EFL1: variants seen among roughly 807,000 people sequenced by gnomAD.
EFL1 encodes the protein elongation factor-like GTPase 1.
Under a neutral mutation model 126.7 loss-of-function variants are expected in EFL1, and 76 were observed. The observed-to-expected ratio is 0.60, with a 90% CI of 0.50 to 0.73. The LOEUF (loss-of-function observed/expected upper bound fraction) is 0.73, where lower values mean the gene tolerates loss of function less well. Among genes scored for constraint, EFL1 ranks in the 30% least tolerant of loss-of-function variants. The pLI, the probability that EFL1 is intolerant of heterozygous loss-of-function variation, is 0.00. For synonymous variants in EFL1, 410 were observed against 448.4 expected (o/e 0.91, Z 1.08); for missense variants, 1,128 against 1,343.2 (o/e 0.84, Z 2.50).
At chr15:82,134,034 T>C (rs1256805042) in intron 19 of EFL1, among the ~76,000 whole-genome samples, 4 of 152,202 alleles carry the variant, frequency 2.6e-5, no homozygotes. Flanking sequence ...CTTGCTTAGC[T>C]GTGCGATCTT....
chr15:82,205,857 G>A (rs2047678), intron 15 of EFL1, among the ~76,000 whole-genome samples: 106,043 of 152,150 alleles, frequency 0.7, 38,543 homozygotes, highest in African/African-American at 0.9. Context: ...TAATCTATGT[G>A]TTCAAAAGAA....
chr15:82,167,640 G>A (rs1280268818), intron 15 of EFL1, among the ~76,000 whole-genome samples: 2 of 152,048 alleles, frequency 1.3e-5, no homozygotes, highest in Admixed American at 6.6e-5. Context: ...TCTAGGATGA[G>A]GTTACACTGG....
intron 15 of EFL1, among the ~76,000 whole-genome samples, chr15:82,201,032 C>T (rs1202260049): frequency 1.3e-5 from 2 of 152,278 alleles, no homozygotes; most frequent in East Asian, 3.9e-4. Context: ...GCCACCATGC[C>T]TGTTTTTTTA....
At chr15:82,251,297 C>T (rs145478269) in intron 4 of EFL1, among the ~76,000 whole-genome samples, 2 of 152,298 alleles carry the variant, frequency 1.3e-5, no homozygotes, top group Admixed American at 1.3e-4. Context: ...AAATAGAGTT[C>T]AGACCATTCA....
intron 19 of EFL1, among the ~76,000 whole-genome samples, chr15:82,133,753 T>C (rs1344383052): frequency 1.3e-5 from 2 of 152,234 alleles, no homozygotes; most frequent in Non-Finnish European, 2.9e-5. Context: ...ACACAAACTG[T>C]TTTCAGAATT....
rs1157323019 is a variant in EFL1, at chr15:82,230,862, T to G, written c.841A>C (p.Met281Leu). ...TACCACATTACCTGATCACCCTTCA[T>G]GATCTTTTTAGCCTTCATATTTATA... ...YYINMKAKKI[M>L]KGDQAKGKKP... is the part of the protein sequence containing the mutation. The change falls in exon 8 of 20, where the codon ATG (methionine) becomes CTG (leucine). Residue 281 changes from methionine (M) to leucine (L), a missense_variant. Coordinates refer to ENST00000268206, the MANE Select transcript of EFL1 (RefSeq NM_024580.6). 5.1e-5 allele frequency: 82 copies of G among 1,611,688 alleles called. No homozygotes were observed. Among genetic ancestry groups the G allele is most frequent in the Non-Finnish European group, 6.9e-5 (81 of 1,179,052 alleles).
intron 15 of EFL1, among the ~76,000 whole-genome samples, chr15:82,167,446 T>G (rs183072377): frequency 6.6e-6 from 1 of 151,934 alleles, no homozygotes; most frequent in African/African-American, 2.4e-5. Flanking sequence ...TTGAGCCAAA[T>G]TTTTTTTTCT....
intron 15 of EFL1, among the ~76,000 whole-genome samples, chr15:82,186,052 T>C (rs1333694654): frequency 6.6e-6 from 1 of 152,184 alleles, no homozygotes; most frequent in Non-Finnish European, 1.5e-5. Context: ...TTTTTGCTTT[T>C]TTCTTTACTA....
At chr15:82,159,225 C>T (rs1020789906) in intron 16 of EFL1, among the ~76,000 whole-genome samples, 3 of 151,876 alleles carry the variant, frequency 2.0e-5, no homozygotes, top group African/African-American at 7.3e-5. Flanking sequence ...GAATTTTAAA[C>T]CTGGCTTAAA....
At position 82,227,149 on chromosome 15, in the gene EFL1, A is replaced by G. The variant is rs552674423; in HGVS notation, c.1192+301T>C. Among the ~76,000 whole-genome samples the G allele has an allele frequency of 1.1e-4, 17 of 152,332 alleles. No individual in the cohort carries two copies. The East Asian group carries it at 2.3e-3, about 21-fold the overall frequency. ...ATTAGAGATAAGAAAATACGTGGAGACAAATTTCATGGAACCTACAAAGCC... is the reference window on the plus strand; with the variant it reads ...ATTAGAGATAAGAAAATACGTGGAGGCAAATTTCATGGAACCTACAAAGCC... On this transcript the variant is annotated intron_variant, in intron 11 of 19. Coordinates refer to ENST00000268206, the MANE Select transcript of EFL1 (RefSeq NM_024580.6).
At chr15:82,196,153 T>C (rs1368953710) in intron 15 of EFL1, among the ~76,000 whole-genome samples, 3 of 152,176 alleles carry the variant, frequency 2.0e-5, no homozygotes, top group Non-Finnish European at 4.4e-5. Flanking sequence ...GTGAAGGGTC[T>C]CTTTCCAAAC....
rs1402706548 is a variant in EFL1, at chr15:82,225,272, A to G, written c.1193-8T>C. The stretch of plus-strand genomic sequence containing the variant: ...TTCCACATTTCATAAAAGCTAAACA[A>G]ATAGGAAGTAAAAATGTCACTATTT... On this transcript the variant is annotated splice_polypyrimidine_tract_variant and splice_region_variant and intron_variant, in intron 11 of 19. Transcript: ENST00000268206. 4 of 1,553,828 alleles carry G rather than the reference A, an allele frequency of 2.6e-6. No homozygotes were observed. Among genetic ancestry groups the G allele is most frequent in the Middle Eastern group, 1.7e-4 (1 of 5,834 alleles).
intron 15 of EFL1, among the ~76,000 whole-genome samples, chr15:82,211,544 CTATA>C (rs1390145030): frequency 1.4e-5 from 1 of 70,726 alleles, no homozygotes; most frequent in Non-Finnish European, 2.8e-5. Flanking sequence ...AAAAAAAAAT[CTATA>C]TACACACACA....
At chr15:82,230,816 C>A in intron 8 of EFL1, 32 bp downstream of exon 8, 2 of 1,577,204 alleles carry the variant, frequency 1.3e-6, no homozygotes, top group Non-Finnish European at 1.7e-6. Flanking sequence ...AAGAATATGA[C>A]CAACAACCAA....
chr15:82,179,545 G>A (rs1487414571), intron 15 of EFL1, among the ~76,000 whole-genome samples: 1 of 152,094 alleles, frequency 6.6e-6, no homozygotes, highest in Non-Finnish European at 1.5e-5. Flanking sequence ...CAGTTTTCCT[G>A]ACTTCTAGAC....
At chr15:82,217,491 A>G (rs2141299901) in intron 14 of EFL1, among the ~76,000 whole-genome samples, 1 of 151,940 alleles carries the variant, frequency 6.6e-6, no homozygotes, top group African/African-American at 2.4e-5. Context: ...TAAACGAGCT[A>G]CGGGAATAGG....
At chr15:82,131,539 T>G (rs1024186172) in intron 19 of EFL1, among the ~76,000 whole-genome samples, 1 of 152,282 alleles carries the variant, frequency 6.6e-6, no homozygotes, top group South Asian at 2.1e-4. Context: ...TTTAAAATGT[T>G]CAAGTTTGGG....
chr15:82,226,408 T>A (rs1350493572), intron 11 of EFL1, among the ~76,000 whole-genome samples: 1 of 152,132 alleles, frequency 6.6e-6, no homozygotes, highest in African/African-American at 2.4e-5. Context: ...AATAGTTGAA[T>A]TCTGTATTTC....
In EFL1 at chr15:82,164,036, T is replaced by A. The variant is rs750478449; in HGVS notation, c.1751-52A>T. 5.6e-6 allele frequency: 9 copies of A among 1,596,242 alleles called. 1 individual carries two copies. The highest frequency in any genetic ancestry group is 1.7e-4 in the Middle Eastern group (1 of 6,008). The stretch of plus-strand genomic sequence containing the variant: ...CAATAAGGGATGATAAATTCTGAAT[T>A]TATGTCAGAAAAACAGCAGCATCAA... On this transcript the variant is annotated intron_variant, in intron 15 of 19. Coordinates refer to ENST00000268206, the MANE Select transcript of EFL1 (RefSeq NM_024580.6).
Sources: gnomAD v4.1 joint callset for allele counts (sites outside exome capture counted in the v4.1 genomes callset) on GRCh38, gnomAD v4.1.1 for gene constraint, MANE v1.5 for transcripts, NCBI Gene and HGNC (gene_info 2026-07-23, HGNC 2026-07-21) for gene names.